Variants in LINC00632 observed in about 807,000 individuals in gnomAD.
The protein encoded by LINC00632 is ALDOA related specific transcript.
At chrX:140,736,611 A>G (rs1479916181) in intron 3 of LINC00632, among the ~76,000 whole-genome samples, 1 of 105,743 alleles carries the variant, frequency 9.5e-6, no homozygotes, top group African/African-American at 3.5e-5. Context: ...TAATTTTTGT[A>G]TGTTTAGTAG....
chrX:140,724,478 T>TACAC (rs199877034), intron 2 of LINC00632, among the ~76,000 whole-genome samples: 3,736 of 28,564 alleles, frequency 0.13, 220 homozygotes, highest in African/African-American at 0.35. Context: ...ATTCCATACA[T>TACAC]ACACACACAC....
chrX:140,784,735 C>T (rs1004991515), exon 5 of LINC00632: 1 of 199,138 alleles, frequency 5.0e-6, no homozygotes, highest in African/African-American at 3.0e-5. Flanking sequence ...TAGGCTTCCC[C>T]TGTCTGAGCC....
intron 3 of LINC00632, chrX:140,764,572 G>C (rs909680053): frequency 8.9e-6 from 1 of 112,432 alleles, no homozygotes; most frequent in African/African-American, 3.2e-5. Flanking sequence ...GAGAGCAGCC[G>C]GGTGACAACG....
intron 3 of LINC00632, among the ~76,000 whole-genome samples, chrX:140,753,424 G>T (rs889415612): frequency 4.5e-5 from 5 of 111,196 alleles, no homozygotes; most frequent in African/African-American, 1.6e-4. Flanking sequence ...TAACCAATAG[G>T]GAAGTAACAG....
At chrX:140,785,184 TATAATAATA>T (rs777271354) in exon 5 of LINC00632, among the ~76,000 whole-genome samples, 2 of 104,803 alleles carry the variant, frequency 1.9e-5, no homozygotes, top group African/African-American at 3.5e-5. Flanking sequence ...ATAATAATAA[TATAATAATA>T]ATAATAATAA....
At chrX:140,789,153 AC>A (rs1932069937) in exon 5 of LINC00632, among the ~76,000 whole-genome samples, 1 of 109,221 alleles carries the variant, frequency 9.2e-6, no homozygotes, top group Non-Finnish European at 1.9e-5. Flanking sequence ...AAAATACGTA[AC>A]GGAGTGAGAA....
At chrX:140,724,492 TTCCATACAC>T (rs1930873619) in intron 2 of LINC00632, among the ~76,000 whole-genome samples, 2 of 107,682 alleles carry the variant, frequency 1.9e-5, no homozygotes, top group African/African-American at 7.0e-5. Flanking sequence ...CACACACACA[TTCCATACAC>T]ACACACATTC....
At chrX:140,715,719 G>T (rs1930615297) in intron 2 of LINC00632, among the ~76,000 whole-genome samples, 1 of 112,015 alleles carries the variant, frequency 8.9e-6, no homozygotes, top group African/African-American at 3.2e-5. Flanking sequence ...TCACTCTTAG[G>T]TTTACCCCAA....
chrX:140,776,667 A>G (rs755891985), exon 5 of LINC00632, among the ~76,000 whole-genome samples: 66 of 112,099 alleles, frequency 5.9e-4, no homozygotes, highest in African/African-American at 2.0e-3. Context: ...GATGTGGAGA[A>G]TAGGAACGTT....
chrX:140,712,741 T>C (rs1043757523), intron 2 of LINC00632, among the ~76,000 whole-genome samples: 1 of 109,384 alleles, frequency 9.1e-6, no homozygotes, highest in African/African-American at 3.3e-5. Context: ...CCCAGAGAAA[T>C]CTGACAATTA....
At chrX:140,789,807 TTTA>T (rs1274498939) in exon 5 of LINC00632, among the ~76,000 whole-genome samples, 1 of 111,786 alleles carries the variant, frequency 8.9e-6, no homozygotes, top group Non-Finnish European at 1.9e-5. Context: ...TTTGTCTTTT[TTTA>T]TTATTAATTT....
chrX:140,723,083 T>A (rs767253570), intron 2 of LINC00632, among the ~76,000 whole-genome samples: 41 of 107,600 alleles, frequency 3.8e-4, no homozygotes, highest in African/African-American at 1.2e-3. Context: ...TTCATGACAC[T>A]CTCACACCAA....
chrX:140,749,423 T>C (rs753662819), intron 3 of LINC00632, among the ~76,000 whole-genome samples: 27 of 111,567 alleles, frequency 2.4e-4, no homozygotes, highest in African/African-American at 8.8e-4. Flanking sequence ...AACTAATTGG[T>C]CCAATTTTTA....
exon 5 of LINC00632, among the ~76,000 whole-genome samples, chrX:140,781,268 C>T (rs1931928803): frequency 9.0e-6 from 1 of 111,537 alleles, no homozygotes; most frequent in African/African-American, 3.3e-5. Context: ...TAAGAAATTA[C>T]ATGTATTACC....
intron 2 of LINC00632, among the ~76,000 whole-genome samples, chrX:140,733,390 T>TA (rs769252052): frequency 0.021 from 2,287 of 106,437 alleles, 30 homozygotes; most frequent in African/African-American, 0.052. Context: ...CTATTGAAGT[T>TA]AAAAAAAAAA....
At chrX:140,722,315 A>T (rs1429031459) in intron 2 of LINC00632, among the ~76,000 whole-genome samples, 1 of 109,350 alleles carries the variant, frequency 9.1e-6, no homozygotes, top group African/African-American at 3.3e-5. Context: ...TCAAGAAGAA[A>T]AAGACTAGCT....
intron 2 of LINC00632, among the ~76,000 whole-genome samples, chrX:140,727,856 C>T (rs1408862528): frequency 8.9e-6 from 1 of 111,835 alleles, no homozygotes; most frequent in Non-Finnish European, 1.9e-5. Context: ...CAGCCTCACT[C>T]TACAACAGAC....
Position 140,769,719 on chromosome X carries a change from C to T in LINC00632, n.192-2359C>T, listed in dbSNP as rs1264186999. ...TATTTTTACTGCCCACTTCAGCCGTCCTTTGTTTCAGCTTCATCCCTCATC... is the reference window on the plus strand; with the variant it reads ...TATTTTTACTGCCCACTTCAGCCGTTCTTTGTTTCAGCTTCATCCCTCATC... On this transcript the variant is annotated intron_variant and non_coding_transcript_variant, in intron 3 of 4. Coordinates refer to ENST00000648200, the Ensembl canonical transcript of LINC00632. Among the ~76,000 whole-genome samples the T allele has an allele frequency of 1.3e-4, 14 of 110,996 alleles. No individual in the cohort carries two copies. In the East Asian group the frequency reaches 3.7e-3, roughly 29 times the overall value.
chrX:140,725,432 A>G (rs886590759), intron 2 of LINC00632, among the ~76,000 whole-genome samples: 1 of 100,225 alleles, frequency 1.0e-5, no homozygotes, highest in African/African-American at 3.6e-5. Context: ...ACACACACAC[A>G]TTCCATGCAC....
Sources: allele counts gnomAD v4.1 joint callset (sites outside exome capture counted in the v4.1 genomes callset), GRCh38; gene constraint gnomAD v4.1.1; transcripts MANE v1.5; gene names NCBI Gene and HGNC (gene_info 2026-07-23, HGNC 2026-07-21).